Variants in COLEC12 observed in about 807,000 individuals in gnomAD.
COLEC12 encodes collectin-12.
COLEC12 carries 33 observed loss-of-function variants against 71.1 expected under a neutral mutation model. The observed-to-expected ratio is 0.46, with a 90% confidence interval of 0.35 to 0.62. The LOEUF is 0.62. Ranked by LOEUF, COLEC12 falls within the 20% of genes least tolerant of loss-of-function variation. COLEC12 has a pLI of 0.00. For missense variants in COLEC12, 765 were observed against 916.1 expected, an observed-to-expected ratio of 0.84 and a Z score of 2.13; for synonymous variants, 350 against 353.0, an observed-to-expected ratio of 0.99 and a Z score of 0.10.
intron 2 of COLEC12, among the ~76,000 whole-genome samples, chr18:477,211 T>C (rs1247698048): frequency 6.6e-6 from 1 of 152,210 alleles, no homozygotes; most frequent in Non-Finnish European, 1.5e-5. Flanking sequence ...TTTACTGTAA[T>C]AGTATGCTAA....
chr18:348,806 A>G (rs536341885), intron 3 of COLEC12, among the ~76,000 whole-genome samples: 2 of 152,290 alleles, frequency 1.3e-5, no homozygotes, highest in East Asian at 3.9e-4. Context: ...TGATTTGCCA[A>G]GAAGTATTTT....
chr18:461,748 G>A (rs963303507), intron 2 of COLEC12, among the ~76,000 whole-genome samples: 1 of 151,990 alleles, frequency 6.6e-6, no homozygotes, highest in African/African-American at 2.4e-5. Context: ...GAGACTTGCT[G>A]CATATCTCAA....
intron 2 of COLEC12, chr18:424,488 T>A (rs1441566107): frequency 6.6e-6 from 1 of 152,088 alleles, no homozygotes; most frequent in African/African-American, 2.4e-5. Flanking sequence ...GCCTTTGAGG[T>A]TTTTCCTATG....
Position 372,157 on chromosome 18 carries a change from T to G in COLEC12, c.59-14635A>C, listed in dbSNP as rs535224447. The stretch of plus-strand genomic sequence containing the variant: ...ACACTACGTTTAGACAGTGAAAGCC[T>G]TCTTTGGTAAATGCATTCCACAGTT... On this transcript the variant is annotated intron_variant, in intron 2 of 9. Coordinates refer to ENST00000400256, the MANE Select transcript of COLEC12 (RefSeq NM_130386.3). 3.9e-5 allele frequency among the ~76,000 whole-genome samples: 6 copies of G among 152,274 alleles called. No homozygotes were observed. The East Asian group carries it at 1.2e-3, about 29-fold the overall frequency.
intron 2 of COLEC12, among the ~76,000 whole-genome samples, chr18:431,896 T>G (rs957308178): frequency 6.6e-6 from 1 of 152,218 alleles, no homozygotes; most frequent in African/African-American, 2.4e-5. Context: ...ATTTTATATA[T>G]GTATATCTCC....
intron 2 of COLEC12, among the ~76,000 whole-genome samples, chr18:363,066 G>A (rs144308078): frequency 1.1e-3 from 169 of 152,178 alleles, no homozygotes; most frequent in African/African-American, 3.1e-3. Flanking sequence ...TCAGTGAGCC[G>A]TTTGCTGGTT....
intron 2 of COLEC12, among the ~76,000 whole-genome samples, chr18:453,495 T>C (rs1442666609): frequency 6.6e-6 from 1 of 152,034 alleles, no homozygotes; most frequent in Non-Finnish European, 1.5e-5. Context: ...AGCTGTGTGG[T>C]TGGGAGTGAG....
At chr18:325,626 C>CATTT (rs1567872998) in intron 8 of COLEC12, among the ~76,000 whole-genome samples, 1 of 55,946 alleles carries the variant, frequency 1.8e-5, no homozygotes, top group African/African-American at 6.3e-5. Context: ...AAAGGATCAG[C>CATTT]CTTTTTTTTT....
At chr18:422,255 G>A (rs1008497613) in intron 2 of COLEC12, among the ~76,000 whole-genome samples, 3 of 152,156 alleles carry the variant, frequency 2.0e-5, no homozygotes, top group Admixed American at 6.5e-5. Context: ...TAGAAAATAC[G>A]CAGTTTAGCA....
intron 1 of COLEC12, among the ~76,000 whole-genome samples, chr18:498,545 A>G (rs2143802210): frequency 6.6e-6 from 1 of 151,722 alleles, no homozygotes; most frequent in South Asian, 2.1e-4. Context: ...ATTTTTAGTA[A>G]AGACAGGATT....
intron 8 of COLEC12, among the ~76,000 whole-genome samples, chr18:322,197 C>CACAT (rs758887203): frequency 3.7e-4 from 56 of 151,748 alleles, no homozygotes; most frequent in Non-Finnish European, 6.8e-4. Context: ...ACATGATACA[C>CACAT]ACACACACAC....
At chr18:384,251 G>A (rs1263066357) in intron 2 of COLEC12, among the ~76,000 whole-genome samples, 5 of 152,166 alleles carry the variant, frequency 3.3e-5, no homozygotes, top group Middle Eastern at 3.4e-3. Flanking sequence ...CCAGCGGATC[G>A]CAGTGTGCAG....
At chr18:330,800 G>T (rs937665848) in intron 8 of COLEC12, among the ~76,000 whole-genome samples, 2 of 151,674 alleles carry the variant, frequency 1.3e-5, no homozygotes, top group African/African-American at 4.8e-5. Context: ...TCTAGGGGAT[G>T]GTTATCCCGC....
intron 4 of COLEC12, among the ~76,000 whole-genome samples, 160 bp downstream of exon 4, chr18:347,905 T>C (rs777585581): frequency 1.3e-5 from 2 of 152,228 alleles, no homozygotes; most frequent in African/African-American, 2.4e-5. Context: ...CTTTAAAATT[T>C]AAGCATTTGA....
In COLEC12 at chr18:327,299, C is replaced by T. The variant is rs1913867695; in HGVS notation, c.2063+4369G>A. On this transcript the variant is annotated intron_variant, in intron 8 of 9. Coordinates refer to ENST00000400256, the MANE Select transcript of COLEC12 (RefSeq NM_130386.3). This position sits in a 1 kb window ranked among gnomAD's most constrained non-coding sequence, Gnocchi z 4.0. ...GATTGGTACTTTCTAAAAGCCTTGT[C>T]CTTAATTGGCAAATAAAATCCTGCT... Among the ~76,000 whole-genome samples, 1 of 152,190 alleles carries T rather than the reference C, an allele frequency of 6.6e-6. No individual in the cohort carries two copies. The highest frequency in any genetic ancestry group is 3.4e-3 in the Middle Eastern group (1 of 294).
chr18:389,880 T>C (rs1915425581), intron 2 of COLEC12, among the ~76,000 whole-genome samples: 1 of 152,188 alleles, frequency 6.6e-6, no homozygotes. Flanking sequence ...AGCGGCTTTC[T>C]CGTGGTCAAA....
intron 2 of COLEC12, among the ~76,000 whole-genome samples, chr18:394,470 A>G (rs1915526854): frequency 1.3e-5 from 2 of 152,264 alleles, no homozygotes; most frequent in African/African-American, 2.4e-5. Context: ...ATGTAATACC[A>G]CATGAAAATG....
chr18:347,914 G>A (rs1412402917), intron 4 of COLEC12, 151 bp downstream of exon 4: 1 of 510,400 alleles, frequency 2.0e-6, no homozygotes, highest in Non-Finnish European at 3.5e-6. Context: ...TTAAGCATTT[G>A]AATTAAATCA....
rs1046984620 is a variant in COLEC12, at chr18:412,918, G to A, written c.59-55396C>T. Reference sequence around the variant, plus strand: ...AATGAAAACAGAGCTATAAAAAACAGGTAACAATGACAAAAAATAAAAGAG... The same window carrying A: ...AATGAAAACAGAGCTATAAAAAACAAGTAACAATGACAAAAAATAAAAGAG... On this transcript the variant is annotated intron_variant, in intron 2 of 9. Transcript: ENST00000400256. 7.4e-4 allele frequency among the ~76,000 whole-genome samples: 113 copies of A among 152,178 alleles called. 1 individual carries two copies. The highest frequency in any genetic ancestry group is 7.4e-5 in the Non-Finnish European group (5 of 67,980).
Sources: gnomAD v4.1 joint callset for allele counts (sites outside exome capture counted in the v4.1 genomes callset) on GRCh38, gnomAD v4.1.1 for gene constraint, Gnocchi (gnomAD v3.1) non-coding constraint, MANE v1.5 for transcripts, NCBI Gene and HGNC (gene_info 2026-07-23, HGNC 2026-07-21) for gene names.